Variants in CAMK2A observed in about 807,000 individuals in gnomAD.
CAMK2A encodes calcium/calmodulin dependent protein kinase II alpha.
In CAMK2A, 7 loss-of-function variants were observed where a neutral mutation model predicts 79.2. The ratio of observed to expected loss-of-function variants is 0.09; its 90% CI spans 0.05 to 0.17. The LOEUF is 0.17. Ranked by LOEUF, CAMK2A falls within the 10% of genes least tolerant of loss-of-function variation. The pLI, the probability that CAMK2A is intolerant of heterozygous loss-of-function variation, is 1.00. For synonymous variants in CAMK2A, 242 were observed against 251.7 expected (o/e 0.96, Z 0.36); for missense variants, 214 against 646.4 (o/e 0.33, Z 7.25).
chr5:150,256,897 C>T lies in CAMK2A; in HGVS notation c.273-66G>A. ...CAGGTGCTGCCTCATCTGGAGGAGT[C>T]TCCAGGAAACTAAGGATGGGGCCCA... On this transcript the variant is annotated intron_variant, in intron 4 of 18. Coordinates refer to ENST00000671881, the MANE Select transcript of CAMK2A (RefSeq NM_015981.4). The surrounding 1 kb of genome is among the most constrained non-coding windows in gnomAD (Gnocchi z 4.6). The T allele has an allele frequency of 7.2e-7, 1 of 1,393,868 alleles. No homozygotes were observed. Among genetic ancestry groups the T allele is most frequent in the Non-Finnish European group, 1.0e-6 (1 of 1,003,886 alleles). 86.3% of individuals were successfully genotyped at this position (1,393,868 alleles called of 1,614,324 possible).
intron 13 of CAMK2A, 140 bp downstream of exon 13, chr5:150,245,021 C>T: frequency 1.1e-5 from 9 of 796,742 alleles, no homozygotes; most frequent in Non-Finnish European, 1.8e-5. Flanking sequence ...GGTCTGGAGA[C>T]AGCCTGGCCA....
intron 1 of CAMK2A, among the ~76,000 whole-genome samples, chr5:150,285,191 T>G (rs1421954940): frequency 6.6e-6 from 1 of 152,148 alleles, no homozygotes; most frequent in Non-Finnish European, 1.5e-5. Flanking sequence ...TCCCCCGATA[T>G]GCTGGGTGCT....
At chr5:150,233,499 G>A (rs554139464) in intron 15 of CAMK2A, among the ~76,000 whole-genome samples, 161 of 152,288 alleles carry the variant, frequency 1.1e-3, no homozygotes, top group African/African-American at 3.3e-3. Context: ...GAGTGCCACC[G>A]GGTCACACAG....
At chr5:150,247,852 C>T (rs926570201) in intron 11 of CAMK2A, 38 bp from the exon 12 acceptor site, 44 of 1,586,648 alleles carry the variant, frequency 2.8e-5, no homozygotes, top group Non-Finnish European at 3.4e-5. Context: ...GAGAGGAGGC[C>T]GGAGTGAAGG....
chr5:150,250,726 T>G lies in CAMK2A; in HGVS notation c.778A>C (p.Ile260Leu), dbSNP rs915686916. Residue 260 changes from isoleucine (I) to leucine (L), a missense_variant, in exon 10 of 19, where the codon ATC (isoleucine) becomes CTC (leucine). This residue lies in a region of CAMK2A where 18 missense variants were observed against 34.9 expected (regional missense o/e 0.52). Transcript: ENST00000671881. ...TGCTTAAGGGCTTCGGCAGCTGTGA[T>G]GCGTTTGGATGGGTTAATGGTCAGC... ...KMLTINPSKRITAAEALKHPW... is the reference protein window; with the variant it reads ...KMLTINPSKRLTAAEALKHPW... The G allele has an allele frequency of 6.2e-7, 1 of 1,613,946 alleles. No individual in the cohort carries two copies. Among genetic ancestry groups the G allele is most frequent in the Non-Finnish European group, 8.5e-7 (1 of 1,179,962 alleles).
intron 8 of CAMK2A, 31 bp from the exon 9 acceptor site, chr5:150,251,875 C>A (rs1195743470): frequency 6.3e-7 from 1 of 1,578,520 alleles, no homozygotes; most frequent in Middle Eastern, 1.7e-4. Context: ...CCTTCAACCC[C>A]CTGTGGGGAG....
At chr5:150,272,477 CAGG>C (rs1429002032) in intron 2 of CAMK2A, among the ~76,000 whole-genome samples, 1 of 151,160 alleles carries the variant, frequency 6.6e-6, no homozygotes, top group Non-Finnish European at 1.5e-5. Context: ...GAGGCTGAGG[CAGG>C]AGAATCGCTT....
At chr5:150,245,360 C>T (rs1340225951) in intron 12 of CAMK2A, 159 bp from the exon 13 acceptor site, 3 of 590,010 alleles carry the variant, frequency 5.1e-6, no homozygotes, top group South Asian at 4.0e-5. Flanking sequence ...TCCTCCTCCT[C>T]CTCCTCCTCC....
At position 150,222,616 on chromosome 5, in the gene CAMK2A, T is replaced by G; in HGVS notation, c.*94A>C. On this transcript the variant is annotated 3_prime_UTR_variant, in exon 19 of 19. Transcript: ENST00000671881. Reference sequence around the variant, plus strand: ...TGGTGGGGTGATGACATGGGAGAATTCCAGCAAAATCCACCTGGGAGAACC... The same window carrying G: ...TGGTGGGGTGATGACATGGGAGAATGCCAGCAAAATCCACCTGGGAGAACC... 7.1e-7 allele frequency: 1 copy of G among 1,407,346 alleles called. No individual in the cohort carries two copies. The highest frequency in any genetic ancestry group is 1.0e-6 in the Non-Finnish European group (1 of 994,320). 87.2% of individuals were successfully genotyped at this position (1,407,346 alleles called of 1,614,324 possible). A position where few individuals can be genotyped will look rare whatever the true frequency, so the allele number is the denominator to read the frequency against.
At chr5:150,247,860 A>G (rs7711562) in intron 11 of CAMK2A, 46 bp from the exon 12 acceptor site, 746,404 of 1,562,830 alleles carry the variant, frequency 0.48, 184,864 homozygotes, top group African/African-American at 0.86. Flanking sequence ...GCCGGAGTGA[A>G]GGGACCCAGG....
At chr5:150,265,456 A>ACT (rs1177989260) in intron 2 of CAMK2A, 2 of 164,622 alleles carry the variant, frequency 1.2e-5, no homozygotes, top group Non-Finnish European at 2.7e-5. Flanking sequence ...ACTGGCCATC[A>ACT]CTCACTCCTA....
chr5:150,222,518 G>T lies in CAMK2A; in HGVS notation c.*192C>A, dbSNP rs1754365023. On this transcript the variant is annotated 3_prime_UTR_variant, in exon 19 of 19. Transcript: ENST00000671881. ...GTGGGGGTGAGAGGTGGGGAGATGT[G>T]GCCGTTCGCTCTGAAGTTGCGATGA... The T allele has an allele frequency of 2.8e-6, 2 of 719,440 alleles. No homozygotes were observed. Among genetic ancestry groups the T allele is most frequent in the Non-Finnish European group, 5.0e-6 (2 of 399,568 alleles). 44.6% of individuals were successfully genotyped at this position (719,440 alleles called of 1,614,324 possible).
intron 13 of CAMK2A, among the ~76,000 whole-genome samples, chr5:150,242,684 G>T (rs192093895): frequency 6.6e-6 from 1 of 152,130 alleles, no homozygotes; most frequent in African/African-American, 2.4e-5. Context: ...TCACCCAGGG[G>T]GAGAACAGTA....
intron 15 of CAMK2A, among the ~76,000 whole-genome samples, chr5:150,236,170 T>C (rs1376531542): frequency 3.3e-5 from 5 of 152,146 alleles, no homozygotes; most frequent in East Asian, 1.9e-4. Context: ...ATGTGAGACC[T>C]CAGGGATGCA....
chr5:150,270,665 C>T (rs144495550), intron 2 of CAMK2A, among the ~76,000 whole-genome samples: 112 of 152,194 alleles, frequency 7.4e-4, no homozygotes, highest in African/African-American at 2.6e-3. Context: ...CCTCCTCTCC[C>T]GCTGGGAAGA....
chr5:150,247,367 C>T (rs1317739156), intron 12 of CAMK2A, among the ~76,000 whole-genome samples: 1 of 152,354 alleles, frequency 6.6e-6, no homozygotes, highest in East Asian at 1.9e-4. Context: ...GTCATGTAGG[C>T]CACCTGAGTG....
intron 1 of CAMK2A, among the ~76,000 whole-genome samples, chr5:150,279,792 G>C (rs974738980): frequency 6.6e-6 from 1 of 152,210 alleles, no homozygotes; most frequent in Admixed American, 6.5e-5. Context: ...AGTGACAGTG[G>C]GTCCGGCGCA....
intron 12 of CAMK2A, among the ~76,000 whole-genome samples, chr5:150,246,489 C>T (rs1449158415): frequency 6.6e-6 from 1 of 152,156 alleles, no homozygotes; most frequent in Non-Finnish European, 1.5e-5. Flanking sequence ...TATGAAATTT[C>T]CTAATTTTTA....
intron 9 of CAMK2A, 58 bp from the exon 10 acceptor site, chr5:150,250,868 C>A: frequency 6.3e-7 from 1 of 1,591,470 alleles, no homozygotes; most frequent in Non-Finnish European, 8.6e-7. Context: ...CCCTGCGATC[C>A]CCCAGCCCCT....
Sources: allele counts gnomAD v4.1 joint callset (sites outside exome capture counted in the v4.1 genomes callset), GRCh38; gene constraint gnomAD v4.1.1; regional missense constraint gnomAD v4.1.1; non-coding constraint Gnocchi (gnomAD v3.1); transcripts MANE v1.5; gene names NCBI Gene and HGNC (gene_info 2026-07-23, HGNC 2026-07-21).